The following ATXN10 variants were observed in gnomAD, a reference collection of about 807,000 sequenced individuals.
The protein encoded by ATXN10 is ataxin-10.
Under a neutral mutation model 52.9 loss-of-function variants are expected in ATXN10, and 28 were observed. The observed-to-expected ratio is 0.53, with a 90% CI of 0.39 to 0.73. The LOEUF is 0.73. ATXN10 is among the 30% of genes least tolerant of loss of function. ATXN10 has a pLI of 0.00. For synonymous variants in ATXN10, 226 were observed against 221.5 expected, an observed-to-expected ratio of 1.02 and a Z score of -0.18; for missense variants, 565 against 577.0, an observed-to-expected ratio of 0.98 and a Z score of 0.21.
intron 5 of ATXN10, among the ~76,000 whole-genome samples, chr22:45,704,865 G>A (rs1156946320): frequency 1.3e-5 from 2 of 152,130 alleles, no homozygotes; most frequent in Non-Finnish European, 2.9e-5. Flanking sequence ...ATCTTAGTGG[G>A]GCAGTCTTTC....
intron 10 of ATXN10, among the ~76,000 whole-genome samples, chr22:45,834,424 G>C (rs772940049): frequency 1.3e-5 from 2 of 152,182 alleles, no homozygotes; most frequent in African/African-American, 4.8e-5. Context: ...GGGCAGTGAA[G>C]CTCTGCCGGT....
Position 45,840,134 on chromosome 22 carries a change from G to A in ATXN10, c.1238-2857G>A, listed in dbSNP as rs568409414. On this transcript the variant is annotated intron_variant, in intron 10 of 11. Coordinates refer to ENST00000252934, the MANE Select transcript of ATXN10 (RefSeq NM_013236.4). The surrounding 1 kb of genome is among the most constrained non-coding windows in gnomAD (Gnocchi z 5.8). ...ACGGTGGCTGTAGTCCCAGCTATTC[G>A]GGAGGCTGAGGCAAGAGGATCACTT... Among the ~76,000 whole-genome samples, 8 of 152,262 alleles carry A rather than the reference G, an allele frequency of 5.3e-5. No individual in the cohort carries two copies. Among genetic ancestry groups the A allele is most frequent in the Non-Finnish European group, 8.8e-5 (6 of 68,018 alleles).
intron 1 of ATXN10, among the ~76,000 whole-genome samples, chr22:45,686,321 G>A (rs1923133712): frequency 6.6e-6 from 1 of 152,096 alleles, no homozygotes; most frequent in South Asian, 2.1e-4. Context: ...GCCAATTCTG[G>A]GCCCTAGAGA....
chr22:45,836,169 A>G (rs575760543), intron 10 of ATXN10, among the ~76,000 whole-genome samples: 1 of 152,278 alleles, frequency 6.6e-6, no homozygotes, highest in Admixed American at 6.5e-5. Flanking sequence ...AATCTGCACC[A>G]TAAATTAGAC....
chr22:45,833,228 G>C lies in ATXN10; in HGVS notation c.1238-9763G>C, dbSNP rs1929049505. Among the ~76,000 whole-genome samples the C allele has an allele frequency of 2.0e-5, 3 of 152,174 alleles. No homozygotes were observed. Among genetic ancestry groups the C allele is most frequent in the East Asian group, 1.9e-4 (1 of 5,200 alleles). On this transcript the variant is annotated intron_variant, in intron 10 of 11. Transcript: ENST00000252934. The surrounding 1 kb of genome is among the most constrained non-coding windows in gnomAD (Gnocchi z 4.3). Reference sequence around the variant, plus strand: ...TCTGGTATCTGTCCCTGTTCACCCTGCAAGCCCTCCCCACCCTTGACCACC... The same window carrying C: ...TCTGGTATCTGTCCCTGTTCACCCTCCAAGCCCTCCCCACCCTTGACCACC...
chr22:45,807,800 G>A (rs2146885606), intron 10 of ATXN10, among the ~76,000 whole-genome samples: 1 of 152,308 alleles, frequency 6.6e-6, no homozygotes, highest in East Asian at 1.9e-4. Flanking sequence ...TGCTTGGCTG[G>A]TGGTGGGGCA....
At chr22:45,700,988 A>G (rs780021633) in intron 4 of ATXN10, among the ~76,000 whole-genome samples, 5 of 152,192 alleles carry the variant, frequency 3.3e-5, no homozygotes, top group Admixed American at 1.3e-4. Flanking sequence ...CTTAAAAACC[A>G]GCTCTGTTCA....
chr22:45,839,103 T>C (rs553913746), intron 10 of ATXN10, among the ~76,000 whole-genome samples: 1 of 152,334 alleles, frequency 6.6e-6, no homozygotes, highest in African/African-American at 2.4e-5. Context: ...GTATTAAATG[T>C]ATATTTAAAT....
intron 5 of ATXN10, among the ~76,000 whole-genome samples, chr22:45,706,522 A>G (rs1468324187): frequency 5.9e-5 from 9 of 152,114 alleles, no homozygotes; most frequent in Non-Finnish European, 1.0e-4. Flanking sequence ...TGTCTTTTTT[A>G]CATAGGCATT....
intron 9 of ATXN10, among the ~76,000 whole-genome samples, chr22:45,758,577 C>G (rs1298749414): frequency 1.3e-5 from 2 of 152,184 alleles, no homozygotes; most frequent in East Asian, 1.9e-4. Context: ...CATGGAAGTT[C>G]CTGGTTAGTG....
At chr22:45,771,065 G>A (rs1601635721) in intron 9 of ATXN10, among the ~76,000 whole-genome samples, 2 of 152,130 alleles carry the variant, frequency 1.3e-5, no homozygotes, top group Non-Finnish European at 2.9e-5. Context: ...TAAACATACT[G>A]TCACAAAACC....
At position 45,835,188 on chromosome 22, in the gene ATXN10, C is replaced by T. The variant is rs1007816934; in HGVS notation, c.1238-7803C>T. Among the ~76,000 whole-genome samples the T allele has an allele frequency of 1.1e-4, 16 of 152,342 alleles. No individual in the cohort carries two copies. Among genetic ancestry groups the T allele is most frequent in the Non-Finnish European group, 2.2e-4 (15 of 68,030 alleles). ...TTGGAGTGGGCAGGGCACAGGTCAT[C>T]TTCCCATGACTTCACTGCCAGATGG... On this transcript the variant is annotated intron_variant, in intron 10 of 11. Transcript: ENST00000252934. The surrounding 1 kb of genome is among the most constrained non-coding windows in gnomAD (Gnocchi z 5.0).
chr22:45,830,821 A>G (rs182608097), intron 10 of ATXN10, among the ~76,000 whole-genome samples: 8 of 152,362 alleles, frequency 5.3e-5, no homozygotes, highest in Admixed American at 5.2e-4. Flanking sequence ...AAAGTTAAAG[A>G]TAGAATTACT....
At chr22:45,736,077 G>T (rs1165252555) in intron 7 of ATXN10, among the ~76,000 whole-genome samples, 3 of 152,008 alleles carry the variant, frequency 2.0e-5, no homozygotes, top group Admixed American at 2.0e-4. Context: ...TAATATCATA[G>T]AATTTAAGAG....
intron 10 of ATXN10, among the ~76,000 whole-genome samples, chr22:45,810,596 G>A (rs1601660743): frequency 6.6e-6 from 1 of 152,170 alleles, no homozygotes; most frequent in African/African-American, 2.4e-5. Context: ...TTGACATACA[G>A]TACTTAGTTT....
intron 9 of ATXN10, among the ~76,000 whole-genome samples, chr22:45,785,622 T>C (rs1927297620): frequency 6.6e-6 from 1 of 152,208 alleles, no homozygotes; most frequent in African/African-American, 2.4e-5. Context: ...TTGGCCTGTT[T>C]TTCATGAGGC....
chr22:45,671,845 C>G lies in ATXN10; in HGVS notation c.-219C>G. ...CCCTCCCCCGCGGCGCCGTCTCCTC[C>G]TCCCGCCTGAGGCGAGTCTGGGCTC... On this transcript the variant is annotated 5_prime_UTR_variant, in exon 1 of 12. Coordinates refer to ENST00000252934, the MANE Select transcript of ATXN10 (RefSeq NM_013236.4). The G allele has an allele frequency of 2.5e-6, 1 of 403,826 alleles. No homozygotes were observed. 25.0% of individuals were successfully genotyped at this position (403,826 alleles called of 1,614,324 possible).
rs1316200901 is a variant in ATXN10 at position 45,715,278 on chromosome 22, A to G, written c.648-3135A>G. On this transcript the variant is annotated intron_variant, in intron 5 of 11. Transcript: ENST00000252934. This position sits in a 1 kb window ranked among gnomAD's most constrained non-coding sequence, Gnocchi z 4.4. The stretch of plus-strand genomic sequence containing the variant: ...TGTCTGGTTTTATGTTGTTTAAGGT[A>G]GGGGGTAAATTGTTATTCCATTATG... Among the ~76,000 whole-genome samples the G allele has an allele frequency of 2.5e-5, 2 of 81,552 alleles. No homozygotes were observed. The highest frequency in any genetic ancestry group is 3.2e-5 in the African/African-American group (1 of 31,264). The allele number at this position is 81,552 out of a possible 152,430, so 53.5% of individuals were successfully genotyped here.
In ATXN10 at chr22:45,763,740, C is replaced by T. The variant is rs192789123; in HGVS notation, c.1173+23202C>T. Among the ~76,000 whole-genome samples, 108 of 152,336 alleles carry T rather than the reference C, an allele frequency of 7.1e-4. No individual in the cohort carries two copies. The highest frequency in any genetic ancestry group is 1.9e-3 in the East Asian group (10 of 5,170). ...GGTTGGTTTTGTCTGCTCTGCTCTT[C>T]GCAACCCTAGAATGTAAGTACAAGG... On this transcript the variant is annotated intron_variant, in intron 9 of 11. Coordinates refer to ENST00000252934, the MANE Select transcript of ATXN10 (RefSeq NM_013236.4). The surrounding 1 kb of genome is among the most constrained non-coding windows in gnomAD (Gnocchi z 6.9).
Sources: allele counts gnomAD v4.1 joint callset (sites outside exome capture counted in the v4.1 genomes callset), GRCh38; gene constraint gnomAD v4.1.1; non-coding constraint Gnocchi (gnomAD v3.1); transcripts MANE v1.5; gene names NCBI Gene and HGNC (gene_info 2026-07-23, HGNC 2026-07-21).